Variants in CACNA1I observed in about 807,000 individuals in gnomAD.
The protein encoded by CACNA1I is calcium voltage-gated channel subunit alpha1 I, also known as voltage-dependent T-type calcium channel subunit alpha-1I.
Under a neutral mutation model 201.6 loss-of-function variants are expected in CACNA1I, and 74 were observed. That is an observed-to-expected ratio of 0.37 (90% confidence interval 0.30 to 0.45). The LOEUF (loss-of-function observed/expected upper bound fraction) is 0.45. CACNA1I is among the 20% of genes least tolerant of loss of function. CACNA1I has a pLI of 1.00. For synonymous variants in CACNA1I, 1,431 were observed against 1,345.2 expected (o/e 1.06, Z -1.40); for missense variants, 2,346 against 3,138.1 (o/e 0.75, Z 6.03).
At position 39,634,961 on chromosome 22, in the gene CACNA1I, T is replaced by A. The variant is rs568106350; in HGVS notation, c.740+237T>A. 2.0e-5 allele frequency among the ~76,000 whole-genome samples: 3 copies of A among 152,244 alleles called. No homozygotes were observed. The South Asian group carries it at 6.2e-4, about 32-fold the overall frequency. ...TGGCTCTCCGCCCACAGCACATTCA[T>A]TCCCCTTGGTGGCTGAGTCATCCAG... On this transcript the variant is annotated intron_variant, in intron 5 of 36. Transcript: ENST00000402142.
In CACNA1I at chr22:39,620,254, T is replaced by C. The variant is rs1601467196; in HGVS notation, c.580+847T>C. Reference sequence around the variant, plus strand: ...ATCCACCTGTCCATCCATCCATCCATCCATCCATCCATCCATCCATCCATA... The same window carrying C: ...ATCCACCTGTCCATCCATCCATCCACCCATCCATCCATCCATCCATCCATA... On this transcript the variant is annotated intron_variant, in intron 4 of 36. Transcript: ENST00000402142. Among the ~76,000 whole-genome samples the C allele has an allele frequency of 3.0e-5, 4 of 134,768 alleles. No individual in the cohort carries two copies. In the South Asian group the frequency reaches 1.0e-3, roughly 35 times the overall value. The allele number at this position is 134,768 out of a possible 152,430, so 88.4% of individuals were successfully genotyped here.
rs1935545638 is a variant in CACNA1I at position 39,677,383 on chromosome 22, T to G, written c.4897T>G (p.Tyr1633Asp). 6.3e-7 allele frequency: 1 copy of G among 1,598,528 alleles called. No individual in the cohort carries two copies. Among genetic ancestry groups the G allele is most frequent in the Non-Finnish European group, 8.5e-7 (1 of 1,174,768 alleles). ...GLLFMLLFFI[Y>D]AALGVELFGK... The stretch of plus-strand genomic sequence containing the variant: ...CCTCTTCATGCTGCTCTTCTTCATC[T>G]ATGCTGCTCTCGGGGTGGAGCTCTT... The change falls in exon 30 of 37, where the codon TAT becomes GAT. Residue 1633 changes from tyrosine (Y) to aspartate (D), a missense_variant. Tyr to Asp is a radical substitution (Grantham distance 160). Coordinates refer to ENST00000402142, the MANE Select transcript of CACNA1I (RefSeq NM_021096.4). This position sits in a 1 kb window ranked among gnomAD's most constrained non-coding sequence, Gnocchi z 4.8.
At chr22:39,628,079 C>T (rs1207272903) in intron 4 of CACNA1I, among the ~76,000 whole-genome samples, 4 of 152,184 alleles carry the variant, frequency 2.6e-5, no homozygotes, top group South Asian at 4.1e-4. Context: ...CCCTCTCCCC[C>T]TCCCTCAGGT....
chr22:39,659,596 C>G lies in CACNA1I; in HGVS notation c.2448+46C>G, dbSNP rs756983655. The G allele has an allele frequency of 1.3e-6, 2 of 1,596,952 alleles. No homozygotes were observed. The highest frequency in any genetic ancestry group is 1.7e-6 in the Non-Finnish European group (2 of 1,164,750). On this transcript the variant is annotated intron_variant, in intron 13 of 36. Coordinates refer to ENST00000402142, the MANE Select transcript of CACNA1I (RefSeq NM_021096.4). This position sits in a 1 kb window ranked among gnomAD's most constrained non-coding sequence, Gnocchi z 4.3. ...CATGTTTGCTGGGGAAGCGATGGGA[C>G]AGTAGGCCTGGGAGGGGCGGGGCTG...
chr22:39,662,544 G>A (rs1048957400), intron 17 of CACNA1I, 109 bp downstream of exon 17: 24 of 870,792 alleles, frequency 2.8e-5, no homozygotes, highest in Admixed American at 6.4e-5. Context: ...GGGCGTGGCC[G>A]GGGCGTGGCC....
chr22:39,598,294 G>GCCCTC (rs869267867), intron 2 of CACNA1I, 32 bp downstream of exon 2: 1 of 839,368 alleles, frequency 1.2e-6, no homozygotes, highest in Admixed American at 3.8e-5. Flanking sequence ...GCCCCGCCCT[G>GCCCTC]CCCTCATCCT....
chr22:39,598,095 A>C (rs1601805868), intron 1 of CACNA1I, 56 bp from the exon 2 acceptor site: 1 of 1,040,022 alleles, frequency 9.6e-7, no homozygotes, highest in Non-Finnish European at 1.5e-6. Flanking sequence ...TCTAGGGTGC[A>C]CCCCAGCCCC....
chr22:39,647,720 A>G (rs1371250589), intron 8 of CACNA1I, 102 bp from the exon 9 acceptor site: 6 of 840,440 alleles, frequency 7.1e-6, no homozygotes, highest in Non-Finnish European at 1.0e-5. Context: ...GGCCAAGTTT[A>G]TGCTTTTAGG....
chr22:39,682,733 A>G, intron 35 of CACNA1I, 72 bp downstream of exon 35: 1 of 1,357,802 alleles, frequency 7.4e-7, no homozygotes, highest in Non-Finnish European at 1.0e-6. Flanking sequence ...GAGATGGCTG[A>G]GTTTTTTCCT....
Position 39,649,945 on chromosome 22 carries a change from G to A in CACNA1I, c.1992+20G>A. 2 of 1,612,106 alleles carry A rather than the reference G, an allele frequency of 1.2e-6. No individual in the cohort carries two copies. The highest frequency in any genetic ancestry group is 1.7e-6 in the Non-Finnish European group (2 of 1,179,328). On this transcript the variant is annotated intron_variant, in intron 10 of 36. Coordinates refer to ENST00000402142, the MANE Select transcript of CACNA1I (RefSeq NM_021096.4). This position sits in a 1 kb window ranked among gnomAD's most constrained non-coding sequence, Gnocchi z 7.3. ...GAGCAGGCCAGTGCAGCGCAGCCGGGCCGGGCCTGCGGGAGAGGTGTGAGG... is the reference window on the plus strand; with the variant it reads ...GAGCAGGCCAGTGCAGCGCAGCCGGACCGGGCCTGCGGGAGAGGTGTGAGG...
At position 39,622,310 on chromosome 22, in the gene CACNA1I, G is replaced by A. The variant is rs191577478; in HGVS notation, c.580+2903G>A. 4.3e-3 allele frequency among the ~76,000 whole-genome samples: 654 copies of A among 151,984 alleles called. 2 individuals carry two copies. Among genetic ancestry groups the A allele is most frequent in the Non-Finnish European group, 6.5e-3 (442 of 67,928 alleles). ...GGCAGGGAGAATGGGGCTGGGGGTC[G>A]GGAGGCCTCCGGGAGAAGGGGATGT... On this transcript the variant is annotated intron_variant, in intron 4 of 36. Coordinates refer to ENST00000402142, the MANE Select transcript of CACNA1I (RefSeq NM_021096.4).
At chr22:39,618,104 C>T (rs977461783) in intron 3 of CACNA1I, among the ~76,000 whole-genome samples, 1 of 148,200 alleles carries the variant, frequency 6.7e-6, no homozygotes, top group African/African-American at 2.5e-5. Context: ...ACTCTGTGTG[C>T]AGGTGTGTGA....
In CACNA1I at chr22:39,685,901, G is replaced by A. The variant is rs947124347; in HGVS notation, c.6168G>A (p.Arg2056=). 116 of 1,402,484 alleles carry A rather than the reference G, an allele frequency of 8.3e-5. No homozygotes were observed. The highest frequency in any genetic ancestry group is 1.0e-4 in the Non-Finnish European group (109 of 1,085,514). The allele number at this position is 1,402,484 out of a possible 1,614,324, so 86.9% of individuals were successfully genotyped here. A position where few individuals can be genotyped will look rare whatever the true frequency, so the allele number is the denominator to read the frequency against. The change falls in exon 37 of 37, where the codon CGG becomes CGA. Residue 2056 remains arginine, a synonymous_variant. Coordinates refer to ENST00000402142, the MANE Select transcript of CACNA1I (RefSeq NM_021096.4). This position sits in a 1 kb window ranked among gnomAD's most constrained non-coding sequence, Gnocchi z 5.0. The part of the protein sequence containing the change: ...LGPPAPAPGP[R]AGLSPAARRR... ...CGCCCGCGCCTGCTCCAGGACCCCG[G>A]GCCGGCCTGTCCCCCGCCGCTCGCC...
chr22:39,627,493 C>T (rs1172334001), intron 4 of CACNA1I, among the ~76,000 whole-genome samples: 3 of 152,190 alleles, frequency 2.0e-5, no homozygotes, highest in Non-Finnish European at 4.4e-5. Flanking sequence ...ACAGCGGGTG[C>T]CAACCCTCAC....
In CACNA1I at chr22:39,649,363, G is replaced by A. The variant is rs1934582190; in HGVS notation, c.1568-138G>A. 2.3e-6 allele frequency: 2 copies of A among 869,002 alleles called. No individual in the cohort carries two copies. The highest frequency in any genetic ancestry group is 1.8e-5 in the African/African-American group (1 of 56,738). 53.8% of individuals were successfully genotyped at this position (869,002 alleles called of 1,614,324 possible). On this transcript the variant is annotated intron_variant, in intron 9 of 36. Transcript: ENST00000402142. The surrounding 1 kb of genome is among the most constrained non-coding windows in gnomAD (Gnocchi z 7.3). Reference sequence around the variant, plus strand: ...TGCAGCCGCTTCCCCAGGCACCCCTGACCGCCTTTCCAGGCTGGGTCGGCT... The same window carrying A: ...TGCAGCCGCTTCCCCAGGCACCCCTAACCGCCTTTCCAGGCTGGGTCGGCT...
chr22:39,576,208 C>T (rs1425569257), intron 1 of CACNA1I, among the ~76,000 whole-genome samples: 2 of 152,200 alleles, frequency 1.3e-5, no homozygotes, highest in African/African-American at 2.4e-5. Flanking sequence ...AGATGATTAG[C>T]GATGGTTCCT....
intron 1 of CACNA1I, among the ~76,000 whole-genome samples, chr22:39,597,046 G>A (rs1467486750): frequency 1.3e-5 from 2 of 152,174 alleles, no homozygotes; most frequent in African/African-American, 4.8e-5. Context: ...CAGTCAGGCT[G>A]CATGGTCTGG....
At chr22:39,592,124 C>T (rs1226610134) in intron 1 of CACNA1I, among the ~76,000 whole-genome samples, 2 of 152,168 alleles carry the variant, frequency 1.3e-5, no homozygotes, top group East Asian at 3.8e-4. Flanking sequence ...GCAGCAGCAC[C>T]CAAAGACCCT....
At chr22:39,671,018 C>T in intron 26 of CACNA1I, 64 bp downstream of exon 26, 1 of 1,509,044 alleles carries the variant, frequency 6.6e-7, no homozygotes, top group Non-Finnish European at 9.1e-7. Context: ...AGCAGGACCC[C>T]ACCCCAGGGA....
Sources: allele counts gnomAD v4.1 joint callset (sites outside exome capture counted in the v4.1 genomes callset), GRCh38; gene constraint gnomAD v4.1.1; non-coding constraint Gnocchi (gnomAD v3.1); transcripts MANE v1.5; gene names NCBI Gene and HGNC (gene_info 2026-07-23, HGNC 2026-07-21).